The following BCAR3 variants were observed in gnomAD, a reference collection of about 807,000 sequenced individuals.
The protein encoded by BCAR3 is breast cancer anti-estrogen resistance protein 3.
In BCAR3, 37 loss-of-function variants were observed where a neutral mutation model predicts 80.1. That is an observed-to-expected ratio of 0.46 (90% confidence interval 0.36 to 0.61). BCAR3 has a LOEUF of 0.61. Among genes scored for constraint, BCAR3 ranks in the 20% least tolerant of loss-of-function variants. BCAR3 has a pLI of 0.00. For missense variants in BCAR3, 978 were observed against 1,068.2 expected, an observed-to-expected ratio of 0.92 and a Z score of 1.18; for synonymous variants, 389 against 418.9, an observed-to-expected ratio of 0.93 and a Z score of 0.87.
intron 2 of BCAR3, among the ~76,000 whole-genome samples, chr1:93,729,062 G>A (rs190035440): frequency 6.6e-6 from 1 of 152,236 alleles, no homozygotes; most frequent in East Asian, 1.9e-4. Flanking sequence ...TATATCTGCT[G>A]TACACTGTAT....
At chr1:93,746,198 A>T (rs1022428833) in intron 2 of BCAR3, among the ~76,000 whole-genome samples, 3 of 152,248 alleles carry the variant, frequency 2.0e-5, no homozygotes, top group African/African-American at 7.2e-5. Context: ...CTTCTGGGAC[A>T]GGCACAGAAG....
At chr1:93,678,861 A>G (rs6541386) in intron 1 of BCAR3, among the ~76,000 whole-genome samples, 45,834 of 152,124 alleles carry the variant, frequency 0.3, 10,486 homozygotes, top group African/African-American at 0.65. Context: ...AGGTCTTGCC[A>G]TAGGAACAAG....
chr1:93,776,589 C>G (rs1220014372), intron 2 of BCAR3, among the ~76,000 whole-genome samples: 2 of 152,166 alleles, frequency 1.3e-5, no homozygotes, highest in African/African-American at 4.8e-5. Context: ...GAGCTCTCTC[C>G]TGGAATTTCC....
intron 3 of BCAR3, among the ~76,000 whole-genome samples, chr1:93,700,227 T>C (rs536146990): frequency 0.033 from 4,951 of 152,242 alleles, 260 homozygotes; most frequent in African/African-American, 0.11. Flanking sequence ...GGGTCTAGCC[T>C]TGTTGCCCAC....
chr1:93,740,050 G>C (rs1484376823), intron 2 of BCAR3, among the ~76,000 whole-genome samples: 1 of 147,436 alleles, frequency 6.8e-6, no homozygotes, highest in African/African-American at 2.5e-5. Context: ...AAAAAAAAAA[G>C]AAAGAAAGAA....
intron 3 of BCAR3, among the ~76,000 whole-genome samples, chr1:93,700,196 C>CT (rs893210981): frequency 7.3e-5 from 11 of 151,672 alleles, no homozygotes; most frequent in African/African-American, 1.7e-4. Flanking sequence ...CTAGAAAATT[C>CT]TTTTTTTTTC....
At chr1:93,845,170 C>G (rs1205763818) in intron 2 of BCAR3, among the ~76,000 whole-genome samples, 1 of 151,860 alleles carries the variant, frequency 6.6e-6, no homozygotes, top group Non-Finnish European at 1.5e-5. Context: ...ACGTCAATGA[C>G]TCCTCATCAT....
At chr1:93,731,176 A>C (rs892372776) in intron 2 of BCAR3, among the ~76,000 whole-genome samples, 2 of 152,234 alleles carry the variant, frequency 1.3e-5, no homozygotes, top group African/African-American at 4.8e-5. Flanking sequence ...AGAGGAGGCC[A>C]AGGACGACTC....
At chr1:93,672,293 T>C (rs958962755) in intron 2 of BCAR3, among the ~76,000 whole-genome samples, 2 of 152,166 alleles carry the variant, frequency 1.3e-5, no homozygotes, top group Non-Finnish European at 2.9e-5. Flanking sequence ...TTCCCCAAGA[T>C]AGGAAGGGTG....
intron 2 of BCAR3, 21 bp downstream of exon 2, chr1:93,674,593 T>C (rs1389758086): frequency 4.7e-5 from 76 of 1,608,400 alleles, no homozygotes; most frequent in Non-Finnish European, 6.3e-5. Context: ...TCATCTTCAC[T>C]AGTGAAATTA....
chr1:93,713,138 T>G (rs1236327295), intron 2 of BCAR3, among the ~76,000 whole-genome samples: 1 of 152,232 alleles, frequency 6.6e-6, no homozygotes, highest in Non-Finnish European at 1.5e-5. Flanking sequence ...AATTGCATGT[T>G]CAATTTTATT....
intron 2 of BCAR3, among the ~76,000 whole-genome samples, chr1:93,643,249 C>G (rs576322407): frequency 7.0e-6 from 1 of 143,758 alleles, no homozygotes; most frequent in Non-Finnish European, 1.5e-5. Flanking sequence ...AGAGGCCAGG[C>G]GTGGTGGCTC....
upstream of BCAR3, chr1:93,847,244 C>A: frequency 5.4e-6 from 1 of 186,748 alleles, no homozygotes; most frequent in South Asian, 9.0e-5. Context: ...GCGCTTGGGG[C>A]AGGAAGGGAG....
At chr1:93,770,589 T>A (rs1452770605) in intron 2 of BCAR3, among the ~76,000 whole-genome samples, 1 of 152,110 alleles carries the variant, frequency 6.6e-6, no homozygotes, top group African/African-American at 2.4e-5. Flanking sequence ...GGATGGCACA[T>A]AACCTGGGAG....
intron 3 of BCAR3, among the ~76,000 whole-genome samples, chr1:93,622,383 C>A (rs1174769123): frequency 2.6e-5 from 4 of 152,176 alleles, no homozygotes; most frequent in Non-Finnish European, 5.9e-5. Flanking sequence ...ACGGAGAACA[C>A]CTGGTCACCA....
At chr1:93,683,976 C>G (rs568886772), upstream of BCAR3, among the ~76,000 whole-genome samples, 1 of 152,202 alleles carries the variant, frequency 6.6e-6, no homozygotes, top group East Asian at 1.9e-4. Flanking sequence ...ATTTTAATCC[C>G]TCTTAGAAAC....
At chr1:93,622,238 C>T (rs1006506927) in intron 3 of BCAR3, among the ~76,000 whole-genome samples, 2 of 152,166 alleles carry the variant, frequency 1.3e-5, no homozygotes, top group African/African-American at 4.8e-5. Context: ...ACCATGGTGT[C>T]CTATTTCATA....
chr1:93,748,192 T>G (rs1251644024), intron 2 of BCAR3, among the ~76,000 whole-genome samples: 1 of 152,200 alleles, frequency 6.6e-6, no homozygotes, highest in African/African-American at 2.4e-5. Flanking sequence ...CATAGAGAGA[T>G]AGCCATTGCC....
chr1:93,692,103 T>C (rs1649213994), intron 3 of BCAR3, among the ~76,000 whole-genome samples: 1 of 152,202 alleles, frequency 6.6e-6, no homozygotes, highest in South Asian at 2.1e-4. Flanking sequence ...GATTTTTAAA[T>C]AAGTGATTTA....
Sources: allele counts gnomAD v4.1 joint callset (sites outside exome capture counted in the v4.1 genomes callset), GRCh38; gene constraint gnomAD v4.1.1; transcripts MANE v1.5; gene names NCBI Gene and HGNC (gene_info 2026-07-23, HGNC 2026-07-21).